The following SERPINI1 variants were observed in gnomAD, a reference collection of about 807,000 sequenced individuals.
SERPINI1 encodes neuroserpin.
A neutral mutation model predicts 41.1 loss-of-function variants in SERPINI1; 19 were observed. That is an observed-to-expected ratio of 0.46 (90% CI 0.32 to 0.68). The LOEUF (loss-of-function observed/expected upper bound fraction) is 0.68. Among genes scored for constraint, SERPINI1 ranks in the 30% least tolerant of loss-of-function variants. The pLI is 0.03. For synonymous variants in SERPINI1, 138 were observed against 156.6 expected (o/e 0.88, Z 0.89); for missense variants, 460 against 479.2 (o/e 0.96, Z 0.37).
rs1712394370 is a variant in SERPINI1 at position 167,823,073 on chromosome 3, G to C, written c.1066+1G>C. The C allele has an allele frequency of 1.3e-6, 2 of 1,586,754 alleles. No homozygotes were observed. Among genetic ancestry groups the C allele is most frequent in the Admixed American group, 3.3e-5 (2 of 59,960 alleles). On this transcript the variant is annotated splice_donor_variant, in intron 7 of 8. Transcript: ENST00000446050. LOFTEE classifies it high-confidence loss of function. ...GGCTCAGAAGCTGCTGCTGTCTCAGGTACTGTTTGCTAGAATCTTCTCCCC... is the reference window on the plus strand; with the variant it reads ...GGCTCAGAAGCTGCTGCTGTCTCAGCTACTGTTTGCTAGAATCTTCTCCCC...
intron 6 of SERPINI1, among the ~76,000 whole-genome samples, chr3:167,816,197 G>A (rs1712082019): frequency 6.6e-6 from 1 of 151,914 alleles, no homozygotes; most frequent in Non-Finnish European, 1.5e-5. Context: ...CGCCCAGCTA[G>A]TTTTTGTAAT....
At chr3:167,767,246 G>A (rs1430483370) in intron 1 of SERPINI1, among the ~76,000 whole-genome samples, 2 of 152,118 alleles carry the variant, frequency 1.3e-5, no homozygotes, top group African/African-American at 2.4e-5. Flanking sequence ...TCTACAAATG[G>A]AACAACACAA....
At chr3:167,763,365 G>GTGTGTC (rs1400728102) in intron 1 of SERPINI1, among the ~76,000 whole-genome samples, 2 of 148,676 alleles carry the variant, frequency 1.3e-5, no homozygotes, top group Non-Finnish European at 3.0e-5. Context: ...TTTTGTGTGT[G>GTGTGTC]TGTGTGTGTG....
At position 167,805,822 on chromosome 3, in the gene SERPINI1, G is replaced by C. The variant is rs1160712508; in HGVS notation, c.882-1422G>C. On this transcript the variant is annotated intron_variant, in intron 5 of 8. Coordinates refer to ENST00000446050, the MANE Select transcript of SERPINI1 (RefSeq NM_001122752.2). ...AATCCTTTCCCCATTGCTTGTTTTT[G>C]TCAGGTTTGTCAAAGATCAGATGGT... is the stretch of plus-strand genomic sequence containing the variant. Among the ~76,000 whole-genome samples, 79 of 152,134 alleles carry C rather than the reference G, an allele frequency of 5.2e-4. 1 individual carries two copies. The highest frequency in any genetic ancestry group is 1.3e-4 in the Non-Finnish European group (9 of 67,976).
intron 6 of SERPINI1, among the ~76,000 whole-genome samples, chr3:167,816,191 C>T (rs1288028037): frequency 1.3e-5 from 2 of 151,948 alleles, no homozygotes; most frequent in Admixed American, 6.5e-5. Context: ...CTACCACGCC[C>T]AGCTAGTTTT....
chr3:167,794,439 A>G (rs1417037174), intron 4 of SERPINI1, among the ~76,000 whole-genome samples, 181 bp from the exon 5 acceptor site: 2 of 151,990 alleles, frequency 1.3e-5, no homozygotes. Flanking sequence ...TTATTTCAAT[A>G]CTTTTGGGGA....
chr3:167,790,336 G>A, intron 2 of SERPINI1, 36 bp from the exon 3 acceptor site: 4 of 1,454,264 alleles, frequency 2.8e-6, no homozygotes, highest in Non-Finnish European at 3.9e-6. Flanking sequence ...CACCGTGTTT[G>A]TTCTACAAAT....
intron 1 of SERPINI1, among the ~76,000 whole-genome samples, chr3:167,787,588 A>G (rs531514777): frequency 1.3e-5 from 2 of 152,330 alleles, no homozygotes; most frequent in African/African-American, 2.4e-5. Context: ...CTAATGCTGC[A>G]TGAGTGACAG....
At chr3:167,761,391 T>C (rs1385524828) in intron 1 of SERPINI1, among the ~76,000 whole-genome samples, 1 of 152,226 alleles carries the variant, frequency 6.6e-6, no homozygotes, top group East Asian at 1.9e-4. Context: ...AATTGTATCA[T>C]CAAATGTAGT....
intron 1 of SERPINI1, among the ~76,000 whole-genome samples, chr3:167,739,802 A>G (rs1367947457): frequency 6.6e-6 from 1 of 152,058 alleles, no homozygotes; most frequent in East Asian, 1.9e-4. Context: ...TTTGCATTTG[A>G]CCTAGAAACA....
At chr3:167,796,533 A>G (rs188629445) in intron 5 of SERPINI1, among the ~76,000 whole-genome samples, 1,670 of 151,876 alleles carry the variant, frequency 0.011, 38 homozygotes, top group African/African-American at 0.038. Flanking sequence ...ACAGGCCCCA[A>G]TGTGTGTTGT....
rs370669146 is a variant in SERPINI1 at position 167,741,584 on chromosome 3, G to A, written c.-19+5761G>A. On this transcript the variant is annotated intron_variant, in intron 1 of 8. Transcript: ENST00000446050. The stretch of plus-strand genomic sequence containing the variant: ...AGCTAATTTTATTGTTTTTATACCC[G>A]TTAGTAGTATGCTAGAGATACCATA... Among the ~76,000 whole-genome samples the A allele has an allele frequency of 1.9e-3, 282 of 152,222 alleles. 6 individuals are homozygous for A. In the South Asian group the frequency reaches 0.034, roughly 18 times the overall value.
At chr3:167,754,604 C>G (rs1263752987) in intron 1 of SERPINI1, among the ~76,000 whole-genome samples, 1 of 152,138 alleles carries the variant, frequency 6.6e-6, no homozygotes, top group Non-Finnish European at 1.5e-5. Context: ...ATTTTCACGT[C>G]CTTGGAACAT....
chr3:167,816,305 C>T (rs1264450971), intron 6 of SERPINI1, among the ~76,000 whole-genome samples: 3 of 152,114 alleles, frequency 2.0e-5, no homozygotes, highest in African/African-American at 2.4e-5. Flanking sequence ...CTCAGCCTCC[C>T]GTAGTGCTGG....
chr3:167,786,240 C>T (rs1351845669), intron 1 of SERPINI1, among the ~76,000 whole-genome samples: 3 of 152,212 alleles, frequency 2.0e-5, no homozygotes, highest in South Asian at 2.1e-4. Context: ...TGGTGGCTCA[C>T]GCCTGTAATC....
chr3:167,824,704 A>G, intron 8 of SERPINI1, 142 bp downstream of exon 8: 2 of 606,868 alleles, frequency 3.3e-6, no homozygotes, highest in Non-Finnish European at 2.9e-6. Context: ...AGATTGACCA[A>G]CTGAATTATC....
intron 1 of SERPINI1, among the ~76,000 whole-genome samples, chr3:167,765,696 T>G (rs1029678877): frequency 9.9e-5 from 15 of 152,214 alleles, no homozygotes; most frequent in Non-Finnish European, 1.5e-4. Flanking sequence ...TATAGCATTG[T>G]CAGGCTGCAA....
chr3:167,747,274 G>C (rs1269121567), intron 1 of SERPINI1, among the ~76,000 whole-genome samples: 3 of 152,094 alleles, frequency 2.0e-5, no homozygotes, highest in Non-Finnish European at 4.4e-5. Flanking sequence ...AATAGTTATG[G>C]GGTTTCTTTC....
intron 1 of SERPINI1, among the ~76,000 whole-genome samples, chr3:167,745,310 G>A (rs1725831721): frequency 6.6e-6 from 1 of 151,756 alleles, no homozygotes; most frequent in African/African-American, 2.4e-5. Context: ...TGAAATAAAA[G>A]ACACATAATT....
Sources: gnomAD v4.1 joint callset for allele counts (sites outside exome capture counted in the v4.1 genomes callset) on GRCh38, gnomAD v4.1.1 for gene constraint, MANE v1.5 for transcripts, NCBI Gene and HGNC (gene_info 2026-07-23, HGNC 2026-07-21) for gene names.